GANC: variants seen among roughly 807,000 people sequenced by gnomAD.
GANC encodes the protein glucosidase alpha, neutral C, also known as neutral alpha-glucosidase C.
GANC carries 117 observed loss-of-function variants against 124.2 expected under a neutral mutation model. The ratio of observed to expected loss-of-function variants is 0.94; its 90% confidence interval spans 0.81 to 1.10. The LOEUF (loss-of-function observed/expected upper bound fraction) is 1.10. GANC is among the 50% of genes least tolerant of loss of function. GANC has a pLI of 0.00. For missense variants in GANC, 1,140 were observed against 1,095.0 expected (o/e 1.04, Z -0.58); for synonymous variants, 377 against 376.8 (o/e 1.00, Z -0.01).
chr15:42,323,758 C>A (rs2052179045), intron 11 of GANC, among the ~76,000 whole-genome samples: 1 of 152,184 alleles, frequency 6.6e-6, no homozygotes, highest in African/African-American at 2.4e-5. Flanking sequence ...CCACCTGAGG[C>A]TCCCAAAGTG....
chr15:42,283,009 A>G (rs539621786), intron 3 of GANC, among the ~76,000 whole-genome samples: 26 of 152,326 alleles, frequency 1.7e-4, no homozygotes, highest in Admixed American at 4.6e-4. Context: ...TCGTTACCTC[A>G]TCTAAACCTA....
At position 42,343,072 on chromosome 15, in the gene GANC, A is replaced by G; in HGVS notation, c.2153-6A>G. 1.2e-6 allele frequency: 2 copies of G among 1,611,740 alleles called. No homozygotes were observed. The highest frequency in any genetic ancestry group is 1.7e-6 in the Non-Finnish European group (2 of 1,177,886). Reference sequence around the variant, plus strand: ...TACTCAACTTTATTTCCTCTCCATTACTTAGGGAGTGCATTATTGGTTCAT... The same window carrying G: ...TACTCAACTTTATTTCCTCTCCATTGCTTAGGGAGTGCATTATTGGTTCAT... On this transcript the variant is annotated splice_region_variant and splice_polypyrimidine_tract_variant and intron_variant, in intron 18 of 23. Transcript: ENST00000318010.
chr15:42,351,428 A>G lies in GANC; in HGVS notation c.2631A>G (p.Ser877=). The G allele has an allele frequency of 6.2e-7, 1 of 1,608,768 alleles. No individual in the cohort carries two copies. Among genetic ancestry groups the G allele is most frequent in the East Asian group, 2.2e-5 (1 of 44,854 alleles). ...AGCCATCTTCTGTGACTACCCACTC[A>G]TCTGGTGAGAAAGCAGTCCATTCTT... ...RKEPSSVTTH[S]SDGKDQPVAF... The change falls in exon 23 of 24, where the codon TCA becomes TCG. Residue 877 remains serine, a synonymous_variant. Transcript: ENST00000318010.
At chr15:42,341,347 G>C (rs560388662) in intron 18 of GANC, among the ~76,000 whole-genome samples, 14 of 152,138 alleles carry the variant, frequency 9.2e-5, no homozygotes, top group African/African-American at 3.1e-4. Context: ...AGATCACTTG[G>C]GGGAAGGGAA....
At chr15:42,314,022 A>T (rs529170256) in intron 10 of GANC, 561 of 688,038 alleles carry the variant, frequency 8.2e-4, no homozygotes, top group South Asian at 1.4e-3. Context: ...CTGGATGCTT[A>T]AAATGAATTT....
intron 18 of GANC, among the ~76,000 whole-genome samples, chr15:42,341,108 C>CCGGGCGCGGTGGCTCACGCCT (rs2052326870): frequency 2.2e-4 from 32 of 144,462 alleles, no homozygotes; most frequent in South Asian, 4.7e-4. Context: ...AGTGTAATTA[C>CCGGGCGCGGTGGCTCACGCCT]GTTTTTATTA....
At chr15:42,330,134 G>A (rs558938405) in intron 14 of GANC, among the ~76,000 whole-genome samples, 5 of 152,150 alleles carry the variant, frequency 3.3e-5, no homozygotes, top group Non-Finnish European at 7.4e-5. Flanking sequence ...GATTGTGTGT[G>A]TTTGCCTCTT....
At chr15:42,326,459 A>G (rs2052199593) in intron 12 of GANC, 35 bp downstream of exon 12, 2 of 1,613,054 alleles carry the variant, frequency 1.2e-6, no homozygotes, top group Admixed American at 1.7e-5. Context: ...TTATTTCCAC[A>G]TGTTCTGTCC....
At chr15:42,300,509 G>A (rs2051935175) in intron 6 of GANC, among the ~76,000 whole-genome samples, 1 of 152,198 alleles carries the variant, frequency 6.6e-6, no homozygotes, top group Non-Finnish European at 1.5e-5. Flanking sequence ...TGGTGGAAAT[G>A]TAAATTAGTC....
intron 3 of GANC, among the ~76,000 whole-genome samples, chr15:42,281,704 C>CA (rs2051736108): frequency 6.6e-6 from 1 of 151,952 alleles, no homozygotes; most frequent in Non-Finnish European, 1.5e-5. Context: ...TAAAACATGA[C>CA]AAAGACAGCA....
intron 21 of GANC, among the ~76,000 whole-genome samples, chr15:42,348,988 C>T (rs1050481616): frequency 2.0e-5 from 3 of 152,198 alleles, no homozygotes; most frequent in Non-Finnish European, 4.4e-5. Flanking sequence ...AGATACCATT[C>T]TCTGAGTGGA....
At chr15:42,308,493 CTT>C (rs941742600) in intron 8 of GANC, among the ~76,000 whole-genome samples, 175 bp downstream of exon 8, 1 of 151,752 alleles carries the variant, frequency 6.6e-6, no homozygotes, top group Non-Finnish European at 1.5e-5. Context: ...AGTGGTTTTC[CTT>C]TTTTTTGAGA....
intron 23 of GANC, 45 bp downstream of exon 23, chr15:42,351,477 C>A: frequency 7.5e-7 from 1 of 1,341,204 alleles, no homozygotes; most frequent in Non-Finnish European, 1.1e-6. Flanking sequence ...TTTTTATAAA[C>A]AGAAGTATCT....
chr15:42,327,398 G>A lies in GANC; in HGVS notation c.1456G>A (p.Val486Ile), dbSNP rs1392173304. Residue 486 changes from valine (V) to isoleucine (I), a missense_variant, in exon 13 of 24, where the codon GTC becomes ATC. By Grantham distance (29) the Val-to-Ile change is conservative (BLOSUM62 3). Coordinates refer to ENST00000318010, the MANE Select transcript of GANC (RefSeq NM_198141.3). ...TTACCTGGATTTCACCAATCCCAAGGTCAGAGAGTGGTATTCAAGTCTTTT... is the reference window on the plus strand; with the variant it reads ...TTACCTGGATTTCACCAATCCCAAGATCAGAGAGTGGTATTCAAGTCTTTT... ...SSYLDFTNPK[V>I]REWYSSLFAF... 6 of 1,613,408 alleles carry A rather than the reference G, an allele frequency of 3.7e-6. No homozygotes were observed. In the Admixed American group the frequency reaches 5.0e-5, roughly 13 times the overall value.
In GANC at chr15:42,326,430, A is replaced by T; in HGVS notation, c.1420+6A>T. ...TGAAGGGGTGTGTTGGCCAGGTATG[A>T]AATCACTTTATACACTTATTATTTC... On this transcript the variant is annotated splice_donor_region_variant and intron_variant, in intron 12 of 23. Coordinates refer to ENST00000318010, the MANE Select transcript of GANC (RefSeq NM_198141.3). 1 of 1,613,916 alleles carries T rather than the reference A, an allele frequency of 6.2e-7. No individual in the cohort carries two copies.
intron 4 of GANC, among the ~76,000 whole-genome samples, chr15:42,292,352 C>T (rs1246938283): frequency 2.1e-5 from 3 of 143,212 alleles, no homozygotes; most frequent in Non-Finnish European, 4.5e-5. Flanking sequence ...ATGATGACAA[C>T]GATGATAGCT....
Position 42,352,104 on chromosome 15 carries a change from A to C in GANC, c.2710A>C (p.Asn904His). The C allele has an allele frequency of 6.2e-7, 1 of 1,614,182 alleles. No homozygotes were observed. Among genetic ancestry groups the C allele is most frequent in the Non-Finnish European group, 8.5e-7 (1 of 1,180,026 alleles). The change falls in exon 24 of 24, where the codon AAC (asparagine) becomes CAC (histidine). Residue 904 changes from asparagine to histidine, a missense_variant. Asn to His is a moderately conservative substitution (Grantham distance 68). Coordinates refer to ENST00000318010, the MANE Select transcript of GANC (RefSeq NM_198141.3). ...CCTGAGCCTGGAGAAGCTCTCACTCAACATTGCCACTGACTGGGAGGTCCG... is the reference window on the plus strand; with the variant it reads ...CCTGAGCCTGGAGAAGCTCTCACTCCACATTGCCACTGACTGGGAGGTCCG... ...SILSLEKLSL[N>H]IATDWEVRII
At chr15:42,310,208 AG>A in intron 8 of GANC, 74 bp from the exon 9 acceptor site, 1 of 1,108,810 alleles carries the variant, frequency 9.0e-7, no homozygotes, top group Non-Finnish European at 1.2e-6. Flanking sequence ...TTTAGAGAGA[AG>A]AGTAGAGCTG....
intron 3 of GANC, among the ~76,000 whole-genome samples, chr15:42,279,248 A>C (rs1002883476): frequency 1.2e-4 from 19 of 152,222 alleles, no homozygotes; most frequent in Non-Finnish European, 2.5e-4. Context: ...TTTAGTAACC[A>C]AAATTTTCTC....
Sources: gnomAD v4.1 joint callset for allele counts (sites outside exome capture counted in the v4.1 genomes callset) on GRCh38, gnomAD v4.1.1 for gene constraint, MANE v1.5 for transcripts, NCBI Gene and HGNC (gene_info 2026-07-23, HGNC 2026-07-21) for gene names.